Variants in DPP6 observed in about 807,000 individuals in gnomAD.
DPP6 encodes dipeptidyl peptidase like 6, also known as A-type potassium channel modulatory protein DPP6.
Under a neutral mutation model 122.6 loss-of-function variants are expected in DPP6, and 69 were observed. The ratio of observed to expected loss-of-function variants is 0.56; its 90% confidence interval spans 0.46 to 0.69. DPP6 has a LOEUF of 0.69. Ranked by LOEUF, DPP6 falls within the 30% of genes least tolerant of loss-of-function variation. DPP6 has a pLI of 0.00. For missense variants in DPP6, 928 were observed against 1,116.9 expected (o/e 0.83, Z 2.41); for synonymous variants, 418 against 433.1 (o/e 0.97, Z 0.43).
At chr7:154,840,085 C>T (rs899006244) in intron 16 of DPP6, among the ~76,000 whole-genome samples, 9 of 152,192 alleles carry the variant, frequency 5.9e-5, no homozygotes, top group Admixed American at 5.2e-4. Context: ...TTTGCTTGCG[C>T]TACATCCTCG....
intron 1 of DPP6, among the ~76,000 whole-genome samples, chr7:153,915,184 C>T (rs960188480): frequency 2.6e-5 from 4 of 152,122 alleles, no homozygotes; most frequent in South Asian, 2.1e-4. Context: ...GAAATCCATC[C>T]GCCCAACAAA....
intron 4 of DPP6, among the ~76,000 whole-genome samples, chr7:154,561,786 A>G (rs1466450742): frequency 6.6e-6 from 1 of 152,170 alleles, no homozygotes; most frequent in Non-Finnish European, 1.5e-5. Context: ...AAGAGCAAAG[A>G]TAATGGAAAA....
intron 1 of DPP6, among the ~76,000 whole-genome samples, chr7:154,386,992 AG>A (rs1362397124): frequency 1.3e-5 from 2 of 152,160 alleles, no homozygotes; most frequent in East Asian, 3.9e-4. Flanking sequence ...AGCTGTGAGA[AG>A]GGGCTTTTCC....
the DPP6 span, among the ~76,000 whole-genome samples, chr7:153,797,894 T>C: frequency 2.8e-4 from 42 of 151,916 alleles, no homozygotes; most frequent in Non-Finnish European, 4.7e-4. Flanking sequence ...CAAGCTGGAG[T>C]GCGGTGGCGA....
chr7:154,858,676 A>T (rs1035298516), intron 17 of DPP6, among the ~76,000 whole-genome samples: 3 of 152,048 alleles, frequency 2.0e-5, no homozygotes, highest in African/African-American at 7.2e-5. Flanking sequence ...TGGCTGTTAA[A>T]CCTGTGGGAG....
chr7:154,373,841 TTGA>T (rs1204947202), intron 1 of DPP6, among the ~76,000 whole-genome samples: 1 of 152,194 alleles, frequency 6.6e-6, no homozygotes, highest in East Asian at 1.9e-4. Context: ...GTCTGTGAGT[TTGA>T]TGAGTCTAGG....
At chr7:154,399,936 G>C (rs1053375147) in intron 1 of DPP6, among the ~76,000 whole-genome samples, 6 of 152,192 alleles carry the variant, frequency 3.9e-5, no homozygotes, top group Non-Finnish European at 8.8e-5. Flanking sequence ...ATCCTTCAAG[G>C]GAAGAGAGTT....
intron 1 of DPP6, among the ~76,000 whole-genome samples, chr7:154,021,683 G>T (rs994955533): frequency 2.0e-5 from 3 of 152,164 alleles, no homozygotes; most frequent in Non-Finnish European, 2.9e-5. Flanking sequence ...GGGTGTTCCA[G>T]TTCCATCAGC....
intron 16 of DPP6, among the ~76,000 whole-genome samples, chr7:154,840,878 A>T (rs1309210457): frequency 6.6e-6 from 1 of 152,182 alleles, no homozygotes; most frequent in African/African-American, 2.4e-5. Context: ...TTCCCAGGGA[A>T]TGTGCACCAC....
At chr7:154,397,785 A>C (rs1415049970) in intron 1 of DPP6, among the ~76,000 whole-genome samples, 5 of 152,188 alleles carry the variant, frequency 3.3e-5, no homozygotes, top group African/African-American at 9.7e-5. Flanking sequence ...GAAGAAGCTG[A>C]CCAGCAGGTG....
rs148022495 is a variant in DPP6, at chr7:154,101,196, G to C, written c.243+48133G>C. On this transcript the variant is annotated intron_variant, in intron 1 of 25. Coordinates refer to ENST00000377770, the MANE Select transcript of DPP6 (RefSeq NM_130797.4). ...TCAGTTGTTCATCCTGTGCACTCCA[G>C]TCTCATCCTGTGCTTAATTCTACCA... Among the ~76,000 whole-genome samples the C allele has an allele frequency of 1.5e-3, 210 of 138,368 alleles. 13 individuals carry two copies. The highest frequency in any genetic ancestry group is 4.9e-3 in the African/African-American group (195 of 40,138). The allele number at this position is 138,368 out of a possible 152,430, so 90.8% of individuals were successfully genotyped here. A position where few individuals can be genotyped will look rare whatever the true frequency, so the allele number is the denominator to read the frequency against.
intron 1 of DPP6, among the ~76,000 whole-genome samples, chr7:154,410,296 A>G (rs2151203850): frequency 6.6e-6 from 1 of 152,362 alleles, no homozygotes; most frequent in Admixed American, 6.5e-5. Flanking sequence ...ATTTCCTGAC[A>G]GGCGAGATTA....
At chr7:153,964,709 C>T (rs1268168998) in intron 1 of DPP6, among the ~76,000 whole-genome samples, 1 of 152,116 alleles carries the variant, frequency 6.6e-6, no homozygotes, top group Non-Finnish European at 1.5e-5. Flanking sequence ...CTGTGAGATG[C>T]CTGGCGAGAA....
chr7:154,301,795 TTTTTTTTTTTTTTTTTTTG>T (rs1156732764), intron 1 of DPP6, among the ~76,000 whole-genome samples: 2 of 88,738 alleles, frequency 2.3e-5, no homozygotes, highest in African/African-American at 7.9e-5. Flanking sequence ...TCTTTTTTTT[TTTTTTTTTTTTTTTTTTTG>T]TTGGAGACAG....
intron 8 of DPP6, among the ~76,000 whole-genome samples, chr7:154,741,268 A>G (rs774268667): frequency 3.9e-5 from 6 of 152,202 alleles, no homozygotes; most frequent in Admixed American, 2.6e-4. Flanking sequence ...GCAGCCATAC[A>G]AGCTCATGAT....
At chr7:154,157,448 CT>C (rs1796742940) in intron 1 of DPP6, among the ~76,000 whole-genome samples, 1 of 152,156 alleles carries the variant, frequency 6.6e-6, no homozygotes, top group Non-Finnish European at 1.5e-5. Context: ...TTTTCATTGT[CT>C]TTTTCAAAGT....
chr7:154,257,000 T>TC (rs1554502559), intron 1 of DPP6, among the ~76,000 whole-genome samples: 1,400 of 133,850 alleles, frequency 0.01, 14 homozygotes, highest in African/African-American at 0.034. Context: ...TTCTTCTTCT[T>TC]TTTTTTTTTT....
At chr7:154,135,449 A>G (rs1352577384) in intron 1 of DPP6, among the ~76,000 whole-genome samples, 1 of 150,902 alleles carries the variant, frequency 6.6e-6, no homozygotes, top group African/African-American at 2.4e-5. Flanking sequence ...GTGAGCCCAC[A>G]TTTCCTATCT....
intron 3 of DPP6, among the ~76,000 whole-genome samples, chr7:154,518,769 A>G (rs10273080): frequency 0.18 from 26,738 of 152,092 alleles, 2,483 homozygotes; most frequent in Non-Finnish European, 0.2. Context: ...CATACTTAGC[A>G]GGACCTAATA....
Sources: allele counts gnomAD v4.1 joint callset (sites outside exome capture counted in the v4.1 genomes callset), GRCh38; gene constraint gnomAD v4.1.1; transcripts MANE v1.5; gene names NCBI Gene and HGNC (gene_info 2026-07-23, HGNC 2026-07-21).